MLLT1: variants seen among roughly 807,000 people sequenced by gnomAD.
MLLT1 encodes protein ENL.
A neutral mutation model predicts 55.1 loss-of-function variants in MLLT1; 11 were observed. The ratio of observed to expected loss-of-function variants is 0.20; its 90% CI spans 0.13 to 0.33. The LOEUF (loss-of-function observed/expected upper bound fraction) is 0.33, where lower values mean the gene tolerates loss of function less well. Ranked by LOEUF, MLLT1 falls within the 10% of genes least tolerant of loss-of-function variation. The pLI, the probability that MLLT1 is intolerant of heterozygous loss-of-function variation, is 1.00. For missense variants in MLLT1, 536 were observed against 760.6 expected, an observed-to-expected ratio of 0.70 and a Z score of 3.47; for synonymous variants, 323 against 320.1, an observed-to-expected ratio of 1.01 and a Z score of -0.10.
intron 6 of MLLT1, among the ~76,000 whole-genome samples, chr19:6,221,622 C>T (rs1169828845): frequency 2.0e-5 from 3 of 152,222 alleles, no homozygotes; most frequent in Non-Finnish European, 4.4e-5. Flanking sequence ...AATAGGGAGC[C>T]GGGCACGGAC....
In MLLT1 at chr19:6,211,817, G is replaced by A. The variant is rs536535951; in HGVS notation, c.*1225C>T. On this transcript the variant is annotated 3_prime_UTR_variant, in exon 12 of 12. Coordinates refer to ENST00000252674, the MANE Select transcript of MLLT1 (RefSeq NM_005934.4). The surrounding 1 kb of genome is among the most constrained non-coding windows in gnomAD (Gnocchi z 4.6). ...GAAGAGTGGGCCGGGAAGGAGGACC[G>A]GCTTGGCCCCTGGAGAATCTCAGGC... is the stretch of plus-strand genomic sequence containing the variant. 1.0e-5 allele frequency: 11 copies of A among 1,064,260 alleles called. No individual in the cohort carries two copies. The highest frequency in any genetic ancestry group is 6.5e-5 in the African/African-American group (4 of 61,110). 65.9% of individuals were successfully genotyped at this position (1,064,260 alleles called of 1,614,324 possible). A position where few individuals can be genotyped will look rare whatever the true frequency, so the allele number is the denominator to read the frequency against.
rs2090774542 is a variant in MLLT1, at chr19:6,211,761, G to C, written c.*1281C>G. 1.9e-6 allele frequency: 2 copies of C among 1,064,120 alleles called. No homozygotes were observed. The highest frequency in any genetic ancestry group is 3.3e-5 in the African/African-American group (2 of 61,102). 65.9% of individuals were successfully genotyped at this position (1,064,120 alleles called of 1,614,324 possible). ...AGCCCCTGGGACCCCCAGCCACGAT[G>C]GGCTGGCTCCGCGGGAGCGTCCTGG... is the stretch of plus-strand genomic sequence containing the variant. On this transcript the variant is annotated 3_prime_UTR_variant, in exon 12 of 12. Transcript: ENST00000252674. This position sits in a 1 kb window ranked among gnomAD's most constrained non-coding sequence, Gnocchi z 4.6.
chr19:6,222,759 C>T lies in MLLT1; in HGVS notation c.547-75G>A. The T allele has an allele frequency of 1.6e-6, 2 of 1,232,868 alleles. No homozygotes were observed. The highest frequency in any genetic ancestry group is 2.5e-5 in the East Asian group (1 of 39,570). 76.4% of individuals were successfully genotyped at this position (1,232,868 alleles called of 1,614,324 possible). ...CATTGCGGGGCGCCCTGCTCCGCCA[C>T]CCCTGACCCCTACAAAGCATAATCC... On this transcript the variant is annotated intron_variant, in intron 5 of 11. Transcript: ENST00000252674. The surrounding 1 kb of genome is among the most constrained non-coding windows in gnomAD (Gnocchi z 4.1).
In MLLT1 at chr19:6,211,524, G is replaced by GC. The variant is rs1568271232; in HGVS notation, c.*1517dup. 3.0e-5 allele frequency: 25 copies of GC among 837,946 alleles called. 1 individual carries two copies. The East Asian group carries it at 1.3e-3, about 44-fold the overall frequency. The allele number at this position is 837,946 out of a possible 1,614,324, so 51.9% of individuals were successfully genotyped here. A position where few individuals can be genotyped will look rare whatever the true frequency, so the allele number is the denominator to read the frequency against. On this transcript the variant is annotated 3_prime_UTR_variant, in exon 12 of 12. Coordinates refer to ENST00000252674, the MANE Select transcript of MLLT1 (RefSeq NM_005934.4). This position sits in a 1 kb window ranked among gnomAD's most constrained non-coding sequence, Gnocchi z 4.6. The stretch of plus-strand genomic sequence containing the variant: ...GGGACCTCAGGGAGGGACAGATGGA[G>GC]CCCCCCAAGTCTGAACTCATAGGCT...
chr19:6,255,686 T>C (rs566010605), intron 3 of MLLT1, among the ~76,000 whole-genome samples: 1 of 152,152 alleles, frequency 6.6e-6, no homozygotes, highest in African/African-American at 2.4e-5. Flanking sequence ...AGAATCCCTA[T>C]CAAAATTCCA....
At chr19:6,249,455 T>G (rs1170429652) in intron 3 of MLLT1, among the ~76,000 whole-genome samples, 1 of 152,160 alleles carries the variant, frequency 6.6e-6, no homozygotes. Flanking sequence ...CTGGGCCAAG[T>G]GCACTGAGGA....
At chr19:6,249,602 G>A (rs1180958436) in intron 3 of MLLT1, among the ~76,000 whole-genome samples, 1 of 152,224 alleles carries the variant, frequency 6.6e-6, no homozygotes, top group African/African-American at 2.4e-5. Flanking sequence ...TGTGATGGGA[G>A]GGAGGCCACC....
chr19:6,265,055 AAC>A (rs1420011888), intron 2 of MLLT1, among the ~76,000 whole-genome samples: 406 of 31,216 alleles, frequency 0.013, 20 homozygotes, highest in Non-Finnish European at 0.023. Flanking sequence ...AAAACAAAAA[AAC>A]AAAAAAACAA....
rs757727151 is a variant in MLLT1, at chr19:6,273,920, G to A, written c.13-3161C>T. ...TTATTGTGAAAGAGTGAAAGACCGCGGTTCCACTGGAGAGGGGGAGGATGG... is the reference window on the plus strand; with the variant it reads ...TTATTGTGAAAGAGTGAAAGACCGCAGTTCCACTGGAGAGGGGGAGGATGG... On this transcript the variant is annotated intron_variant, in intron 1 of 11. Transcript: ENST00000252674. The surrounding 1 kb of genome is among the most constrained non-coding windows in gnomAD (Gnocchi z 4.3). 3.9e-5 allele frequency among the ~76,000 whole-genome samples: 6 copies of A among 152,238 alleles called. No homozygotes were observed. The highest frequency in any genetic ancestry group is 7.3e-5 in the Non-Finnish European group (5 of 68,040).
chr19:6,275,946 G>A (rs1425715002), intron 1 of MLLT1, among the ~76,000 whole-genome samples: 1 of 152,180 alleles, frequency 6.6e-6, no homozygotes, highest in East Asian at 1.9e-4. Flanking sequence ...ACGTTCTCCA[G>A]GGGGGAGGGG....
intron 3 of MLLT1, among the ~76,000 whole-genome samples, chr19:6,233,263 G>C (rs943554271): frequency 6.6e-6 from 1 of 152,234 alleles, no homozygotes; most frequent in Non-Finnish European, 1.5e-5. Context: ...AGTTGGCAGC[G>C]GCAGCTCCTG....
In MLLT1 at chr19:6,262,378, G is replaced by A; in HGVS notation, c.194-68C>T. On this transcript the variant is annotated intron_variant, in intron 2 of 11. Transcript: ENST00000252674. This position sits in a 1 kb window ranked among gnomAD's most constrained non-coding sequence, Gnocchi z 4.4. Reference sequence around the variant, plus strand: ...GTTTCAGGCCCAGCTGCCAGCGGCAGTACCGCACCCCTCAACCCCACCACC... The same window carrying A: ...GTTTCAGGCCCAGCTGCCAGCGGCAATACCGCACCCCTCAACCCCACCACC... 5 of 1,383,076 alleles carry A rather than the reference G, an allele frequency of 3.6e-6. No homozygotes were observed. Among genetic ancestry groups the A allele is most frequent in the Non-Finnish European group, 5.1e-6 (5 of 981,804 alleles). The allele number at this position is 1,383,076 out of a possible 1,614,324, so 85.7% of individuals were successfully genotyped here.
At chr19:6,237,763 CAA>C (rs1269996726) in intron 3 of MLLT1, among the ~76,000 whole-genome samples, 23 of 71,734 alleles carry the variant, frequency 3.2e-4, no homozygotes, top group Admixed American at 2.8e-4. Flanking sequence ...ACTCTTGTCT[CAA>C]AAAAAAAAAA....
Position 6,211,888 on chromosome 19 carries a change from CGGT to C in MLLT1, c.*1151_*1153del, listed in dbSNP as rs936265059. 3 of 1,064,346 alleles carry C rather than the reference CGGT, an allele frequency of 2.8e-6. No homozygotes were observed. Among genetic ancestry groups the C allele is most frequent in the African/African-American group, 1.6e-5 (1 of 60,944 alleles). The allele number at this position is 1,064,346 out of a possible 1,614,324, so 65.9% of individuals were successfully genotyped here. A position where few individuals can be genotyped will look rare whatever the true frequency, so the allele number is the denominator to read the frequency against. Reference sequence around the variant, plus strand: ...GGCGCGGCACCAGCATGAATTGCGGCGGTGGAGGCCGGGGCGGGCCAGGCCGCG... The same window carrying C: ...GGCGCGGCACCAGCATGAATTGCGGCGGAGGCCGGGGCGGGCCAGGCCGCG... On this transcript the variant is annotated 3_prime_UTR_variant, in exon 12 of 12. Transcript: ENST00000252674. The surrounding 1 kb of genome is among the most constrained non-coding windows in gnomAD (Gnocchi z 4.6).
intron 6 of MLLT1, among the ~76,000 whole-genome samples, chr19:6,220,414 C>T (rs1423824598): frequency 1.3e-5 from 2 of 152,232 alleles, no homozygotes; most frequent in African/African-American, 2.4e-5. Context: ...GCACGCGGGG[C>T]GCTCTTCTTC....
rs907145841 is a variant in MLLT1, at chr19:6,212,282, G to T, written c.*760C>A. The T allele has an allele frequency of 3.8e-6, 4 of 1,065,652 alleles. No homozygotes were observed. The East Asian group carries it at 2.0e-4, about 53-fold the overall frequency. 66.0% of individuals were successfully genotyped at this position (1,065,652 alleles called of 1,614,324 possible). On this transcript the variant is annotated 3_prime_UTR_variant, in exon 12 of 12. Transcript: ENST00000252674. ...CCCGGGAGCCCCGGTAGGAGGCGGC[G>T]GCATCCTTGGAACGGCAAAGGGAGA...
rs1344629648 is a variant in MLLT1, at chr19:6,256,949, G to GA, written c.276+5278dup. On this transcript the variant is annotated intron_variant, in intron 3 of 11. Transcript: ENST00000252674. The surrounding 1 kb of genome is among the most constrained non-coding windows in gnomAD (Gnocchi z 4.1). ...ATGGCGAAAGAACAGTCTCTTCAGT[G>GA]AACGGTGCTGGGACACCTGGAAAAC... Among the ~76,000 whole-genome samples the GA allele has an allele frequency of 1.3e-5, 2 of 152,166 alleles. No individual in the cohort carries two copies. Among genetic ancestry groups the GA allele is most frequent in the African/African-American group, 4.8e-5 (2 of 41,424 alleles).
At position 6,235,284 on chromosome 19, in the gene MLLT1, C is replaced by T. The variant is rs2091049090; in HGVS notation, c.277-4571G>A. Among the ~76,000 whole-genome samples the T allele has an allele frequency of 6.6e-6, 1 of 152,228 alleles. No homozygotes were observed. Among genetic ancestry groups the T allele is most frequent in the Non-Finnish European group, 1.5e-5 (1 of 68,044 alleles). On this transcript the variant is annotated intron_variant, in intron 3 of 11. Transcript: ENST00000252674. This position sits in a 1 kb window ranked among gnomAD's most constrained non-coding sequence, Gnocchi z 5.5. ...GAGGATGAACGTGGCTGGGGGGCAT[C>T]CTCGTGCAGAAAGCCTGGGGCCTGA...
At chr19:6,228,176 G>A (rs1326299231) in intron 4 of MLLT1, among the ~76,000 whole-genome samples, 2 of 152,168 alleles carry the variant, frequency 1.3e-5, no homozygotes, top group Non-Finnish European at 2.9e-5. Flanking sequence ...CGCCACGGGA[G>A]GCCCTCCACA....
Sources: gnomAD v4.1 joint callset for allele counts (sites outside exome capture counted in the v4.1 genomes callset) on GRCh38, gnomAD v4.1.1 for gene constraint, Gnocchi (gnomAD v3.1) non-coding constraint, MANE v1.5 for transcripts, NCBI Gene and HGNC (gene_info 2026-07-23, HGNC 2026-07-21) for gene names.